CLASP2: variants seen among roughly 807,000 people sequenced by gnomAD.
CLASP2 encodes the protein CLIP-associating protein 2.
CLASP2 carries 47 observed loss-of-function variants against 194.4 expected under a neutral mutation model. That is an observed-to-expected ratio of 0.24 (90% confidence interval 0.19 to 0.31). The LOEUF is 0.31. Among genes scored for constraint, CLASP2 ranks in the 10% least tolerant of loss-of-function variants. CLASP2 has a pLI of 1.00. For synonymous variants in CLASP2, 619 were observed against 633.5 expected, an observed-to-expected ratio of 0.98 and a Z score of 0.34; for missense variants, 1,445 against 1,823.6, an observed-to-expected ratio of 0.79 and a Z score of 3.78.
rs73053654 is a variant in CLASP2 at position 33,510,083 on chromosome 3, T to C, written c.4317+475A>G. On this transcript the variant is annotated intron_variant, in intron 37 of 38. Transcript: ENST00000682230. ...AAAGGAATGAAATTCTAATACAAGC[T>C]ACAACATGGATGAACTCTGAAAACA... Among the ~76,000 whole-genome samples, 473 of 152,286 alleles carry C rather than the reference T, an allele frequency of 3.1e-3. 1 individual carries two copies. The highest frequency in any genetic ancestry group is 5.2e-3 in the Non-Finnish European group (353 of 68,020).
At chr3:33,590,337 G>A (rs1322498006) in intron 21 of CLASP2, among the ~76,000 whole-genome samples, 1 of 152,022 alleles carries the variant, frequency 6.6e-6, no homozygotes, top group African/African-American at 2.4e-5. Flanking sequence ...ATCTAAACCA[G>A]TATGTACTTC....
At chr3:33,573,635 G>A (rs1372943165) in intron 24 of CLASP2, among the ~76,000 whole-genome samples, 1 of 152,054 alleles carries the variant, frequency 6.6e-6, no homozygotes, top group Admixed American at 6.5e-5. Context: ...AAAAAATGTG[G>A]GTTTTTCCTT....
intron 8 of CLASP2, among the ~76,000 whole-genome samples, chr3:33,635,999 G>A (rs1190754220): frequency 6.6e-6 from 1 of 152,170 alleles, no homozygotes; most frequent in Non-Finnish European, 1.5e-5. Flanking sequence ...AGGAAACTGT[G>A]TAGAAAAGAA....
Position 33,663,470 on chromosome 3 carries a change from G to A in CLASP2, c.690C>T (p.Gly230=), listed in dbSNP as rs185871021. The A allele has an allele frequency of 6.8e-5, 109 of 1,611,976 alleles. No homozygotes were observed. The highest frequency in any genetic ancestry group is 4.8e-4 in the Admixed American group (29 of 59,930). The change falls in exon 7 of 39, where the codon GGC becomes GGT. Residue 230 remains glycine, a synonymous_variant. Coordinates refer to ENST00000682230, the MANE Select transcript of CLASP2 (RefSeq NM_001365631.1). The stretch of plus-strand genomic sequence containing the variant: ...CTTTGCAGACACTCAAAATCATACC[G>A]CCTGAACTTTGCACTTCATCAAATT... ...FAKFDEVQSS[G]GMILSVCKDK...
chr3:33,570,007 T>G (rs1409387214), intron 26 of CLASP2, among the ~76,000 whole-genome samples: 1 of 152,186 alleles, frequency 6.6e-6, no homozygotes, highest in African/African-American at 2.4e-5. Context: ...CCCGCTCACT[T>G]AGGTTAGAAA....
At chr3:33,531,764 A>G (rs771954789) in intron 34 of CLASP2, among the ~76,000 whole-genome samples, 19 of 152,156 alleles carry the variant, frequency 1.2e-4, no homozygotes, top group Non-Finnish European at 2.4e-4. Context: ...GACAAGAGCG[A>G]AACTCTGTCT....
At chr3:33,686,052 C>T (rs549692661) in intron 5 of CLASP2, among the ~76,000 whole-genome samples, 5 of 152,142 alleles carry the variant, frequency 3.3e-5, no homozygotes, top group African/African-American at 9.6e-5. Flanking sequence ...GGTCTGAATA[C>T]AGGAATTTGA....
At chr3:33,651,056 G>A (rs1326855915) in intron 7 of CLASP2, among the ~76,000 whole-genome samples, 1 of 152,120 alleles carries the variant, frequency 6.6e-6, no homozygotes, top group East Asian at 1.9e-4. Context: ...CTATTTATGT[G>A]TATTCTACTC....
At chr3:33,548,829 A>G (rs1349723637) in intron 30 of CLASP2, among the ~76,000 whole-genome samples, 1 of 139,294 alleles carries the variant, frequency 7.2e-6, no homozygotes, top group African/African-American at 2.8e-5. Flanking sequence ...GTAGAGCAGC[A>G]TGATCATAGC....
At chr3:33,682,679 A>C (rs1182996100) in intron 6 of CLASP2, among the ~76,000 whole-genome samples, 1 of 152,250 alleles carries the variant, frequency 6.6e-6, no homozygotes, top group Admixed American at 6.5e-5. Context: ...GAAGATTATC[A>C]GCAGGATCTT....
At chr3:33,657,309 A>C (rs1352330483) in intron 7 of CLASP2, among the ~76,000 whole-genome samples, 1 of 152,156 alleles carries the variant, frequency 6.6e-6, no homozygotes, top group African/African-American at 2.4e-5. Flanking sequence ...ATCACTATAT[A>C]CATATCTTTA....
intron 7 of CLASP2, among the ~76,000 whole-genome samples, chr3:33,662,072 C>T (rs1167102686): frequency 6.6e-6 from 1 of 151,966 alleles, no homozygotes; most frequent in African/African-American, 2.4e-5. Flanking sequence ...AAATAAATGC[C>T]AGAGACTAAC....
intron 23 of CLASP2, chr3:33,577,167 T>A (rs758925830): frequency 6.9e-7 from 1 of 1,458,204 alleles, no homozygotes. Context: ...CTGAGATGAA[T>A]GCCAGATGAT....
At chr3:33,694,411 T>C (rs1028783214) in intron 2 of CLASP2, among the ~76,000 whole-genome samples, 11 of 152,138 alleles carry the variant, frequency 7.2e-5, no homozygotes, top group African/African-American at 2.7e-4. Flanking sequence ...AGATACATAA[T>C]ACCTAGAACT....
chr3:33,699,525 A>T (rs1234749774), intron 1 of CLASP2, among the ~76,000 whole-genome samples: 1 of 152,168 alleles, frequency 6.6e-6, no homozygotes, highest in East Asian at 1.9e-4. Flanking sequence ...AAAAAGTATG[A>T]GAGTAAGGAG....
At chr3:33,555,155 G>T (rs1310518170) in intron 29 of CLASP2, among the ~76,000 whole-genome samples, 1 of 151,922 alleles carries the variant, frequency 6.6e-6, no homozygotes, top group Admixed American at 6.6e-5. Context: ...ATTCCACAAT[G>T]CATACATATA....
intron 2 of CLASP2, among the ~76,000 whole-genome samples, chr3:33,690,987 C>G (rs2091290351): frequency 4.6e-5 from 7 of 152,140 alleles, no homozygotes; most frequent in Admixed American, 4.6e-4. Context: ...CAATCTAGAT[C>G]CCTCAATATG....
intron 6 of CLASP2, among the ~76,000 whole-genome samples, chr3:33,664,944 T>A (rs894416329): frequency 1.3e-5 from 2 of 151,788 alleles, no homozygotes; most frequent in East Asian, 3.9e-4. Flanking sequence ...CTACCAAAAA[T>A]ACAAAAATCA....
chr3:33,507,464 G>T (rs918216549), intron 37 of CLASP2, among the ~76,000 whole-genome samples: 1 of 152,074 alleles, frequency 6.6e-6, no homozygotes, highest in African/African-American at 2.4e-5. Flanking sequence ...AGGTTCAATT[G>T]CTTTAGAAAA....
Sources: gnomAD v4.1 joint callset for allele counts (sites outside exome capture counted in the v4.1 genomes callset) on GRCh38, gnomAD v4.1.1 for gene constraint, MANE v1.5 for transcripts, NCBI Gene and HGNC (gene_info 2026-07-23, HGNC 2026-07-21) for gene names.